STARD13: variants seen among roughly 807,000 people sequenced by gnomAD.
STARD13 encodes StAR related lipid transfer domain containing 13.
STARD13 carries 62 observed loss-of-function variants against 106.4 expected under a neutral mutation model. The observed-to-expected ratio is 0.58, with a 90% CI of 0.48 to 0.72. The LOEUF (loss-of-function observed/expected upper bound fraction) is 0.72, where lower values mean the gene tolerates loss of function less well. STARD13 is among the 30% of genes least tolerant of loss of function. STARD13 has a pLI of 0.00. For synonymous variants in STARD13, 565 were observed against 553.0 expected, an observed-to-expected ratio of 1.02 and a Z score of -0.31; for missense variants, 1,387 against 1,424.0, an observed-to-expected ratio of 0.97 and a Z score of 0.42.
chr13:33,186,395 C>A (rs544828276), intron 1 of STARD13, among the ~76,000 whole-genome samples: 1 of 152,276 alleles, frequency 6.6e-6, no homozygotes, highest in Admixed American at 6.5e-5. Flanking sequence ...AGAAACAGTG[C>A]GATTTCTATC....
At chr13:33,262,638 A>ACC (rs750644449) in intron 1 of STARD13, among the ~76,000 whole-genome samples, 1 of 56,374 alleles carries the variant, frequency 1.8e-5, no homozygotes, top group Non-Finnish European at 3.6e-5. Context: ...CACACCCAGA[A>ACC]CCCCCCCCCC....
At position 33,130,899 on chromosome 13, in the gene STARD13, C is replaced by T. The variant is rs186695561; in HGVS notation, c.388-610G>A. On this transcript the variant is annotated intron_variant, in intron 4 of 13. Coordinates refer to ENST00000336934, the MANE Select transcript of STARD13 (RefSeq NM_178006.4). This position sits in a 1 kb window ranked among gnomAD's most constrained non-coding sequence, Gnocchi z 4.1. Reference sequence around the variant, plus strand: ...GAGATGAGGGAGCCATTCTGGAGATCGCTATTTGTGATCCAATCCGGCTAC... The same window carrying T: ...GAGATGAGGGAGCCATTCTGGAGATTGCTATTTGTGATCCAATCCGGCTAC... 4.6e-3 allele frequency among the ~76,000 whole-genome samples: 699 copies of T among 152,322 alleles called. 6 individuals carry two copies. Among genetic ancestry groups the T allele is most frequent in the African/African-American group, 0.015 (642 of 41,572 alleles).
chr13:33,433,385 C>T, the STARD13 span, among the ~76,000 whole-genome samples: 1 of 152,166 alleles, frequency 6.6e-6, no homozygotes, highest in Admixed American at 6.5e-5. Context: ...CCTTCAAAGA[C>T]TCTCTAGAAG....
intron 1 of STARD13, among the ~76,000 whole-genome samples, chr13:33,266,096 C>G (rs1594188934): frequency 1.3e-5 from 2 of 152,214 alleles, no homozygotes; most frequent in South Asian, 2.1e-4. Flanking sequence ...GCAACAACCA[C>G]TCTAAGGAGA....
At chr13:33,537,564 G>A in the STARD13 span, among the ~76,000 whole-genome samples, 3 of 152,018 alleles carry the variant, frequency 2.0e-5, no homozygotes, top group Admixed American at 6.6e-5. Context: ...CTGATCATTC[G>A]ATCTTTCTAC....
At chr13:33,320,126 G>A (rs1893500668) in intron 1 of STARD13, among the ~76,000 whole-genome samples, 1 of 152,208 alleles carries the variant, frequency 6.6e-6, no homozygotes, top group Non-Finnish European at 1.5e-5. Flanking sequence ...CACAGCCTTT[G>A]GCTACTGCTA....
chr13:33,567,379 C>G, the STARD13 span, among the ~76,000 whole-genome samples: 1 of 148,202 alleles, frequency 6.7e-6, no homozygotes, highest in Admixed American at 6.9e-5. Flanking sequence ...GAACTTACAC[C>G]AACTAAAACA....
intron 1 of STARD13, among the ~76,000 whole-genome samples, chr13:33,317,649 ACTTT>A (rs1489222023): frequency 6.6e-6 from 1 of 151,870 alleles, no homozygotes; most frequent in African/African-American, 2.4e-5. Flanking sequence ...CCCTACACTC[ACTTT>A]CTATTTTGTA....
the STARD13 span, among the ~76,000 whole-genome samples, chr13:33,555,578 C>G: frequency 6.6e-6 from 1 of 152,176 alleles, no homozygotes; most frequent in Non-Finnish European, 1.5e-5. Context: ...AACAGCTGTT[C>G]GTTCCTCTGT....
At chr13:33,344,190 T>C (rs1260513246), downstream of STARD13, among the ~76,000 whole-genome samples, 1 of 146,530 alleles carries the variant, frequency 6.8e-6, no homozygotes, top group Non-Finnish European at 1.5e-5. Flanking sequence ...GTCAGAGAAT[T>C]AGTACTTCTG....
At chr13:33,589,701 G>A in the STARD13 span, among the ~76,000 whole-genome samples, 7 of 152,132 alleles carry the variant, frequency 4.6e-5, no homozygotes, top group South Asian at 4.1e-4. Context: ...CATTTGCTGA[G>A]GAGTGCTTTA....
chr13:33,572,663 T>C, the STARD13 span, among the ~76,000 whole-genome samples: 1 of 152,204 alleles, frequency 6.6e-6, no homozygotes, highest in African/African-American at 2.4e-5. Flanking sequence ...GCCCTCTGTA[T>C]CCAAGGGGTT....
chr13:33,361,071 C>T, the STARD13 span, among the ~76,000 whole-genome samples: 1 of 150,824 alleles, frequency 6.6e-6, no homozygotes, highest in Non-Finnish European at 1.5e-5. Context: ...TCCCAAAGTG[C>T]CGGGATTACA....
the STARD13 span, among the ~76,000 whole-genome samples, chr13:33,526,101 T>C: frequency 1.3e-5 from 2 of 152,130 alleles, no homozygotes; most frequent in African/African-American, 4.8e-5. Context: ...TAGTAGCTAA[T>C]ATTTTCTGAT....
At chr13:33,456,054 G>A in the STARD13 span, among the ~76,000 whole-genome samples, 1 of 152,128 alleles carries the variant, frequency 6.6e-6, no homozygotes, top group Non-Finnish European at 1.5e-5. Flanking sequence ...CATGAATAAA[G>A]TTTTATTGGA....
At chr13:33,540,046 A>C in the STARD13 span, among the ~76,000 whole-genome samples, 1 of 152,242 alleles carries the variant, frequency 6.6e-6, no homozygotes, top group Admixed American at 6.5e-5. Context: ...CTAAAAACTA[A>C]AAATAGCAAG....
chr13:33,599,069 T>C, the STARD13 span, among the ~76,000 whole-genome samples: 1 of 152,204 alleles, frequency 6.6e-6, no homozygotes, highest in African/African-American at 2.4e-5. Flanking sequence ...CATCCAGCAG[T>C]TGGTTTCTCT....
intron 6 of STARD13, 146 bp from the exon 7 acceptor site, chr13:33,126,386 C>A: frequency 1.3e-6 from 1 of 788,536 alleles, no homozygotes; most frequent in Non-Finnish European, 2.1e-6. Flanking sequence ...GCATTAATCA[C>A]AGGACACTGC....
At chr13:33,499,525 CTTCTTCTTCT>C in the STARD13 span, among the ~76,000 whole-genome samples, 1 of 36,172 alleles carries the variant, frequency 2.8e-5, no homozygotes, top group Admixed American at 2.9e-4. Context: ...TTTCTTTCTT[CTTCTTCTTCT>C]TCTTCTTCTT....
Sources: gnomAD v4.1 joint callset for allele counts (sites outside exome capture counted in the v4.1 genomes callset) on GRCh38, gnomAD v4.1.1 for gene constraint, Gnocchi (gnomAD v3.1) non-coding constraint, MANE v1.5 for transcripts, NCBI Gene and HGNC (gene_info 2026-07-23, HGNC 2026-07-21) for gene names.